Variants in VAT1L observed in about 807,000 individuals in gnomAD.
VAT1L encodes putative NADPH-dependent quinone oxidoreductase VAT1L.
A neutral mutation model predicts 44.1 loss-of-function variants in VAT1L; 34 were observed. That is an observed-to-expected ratio of 0.77 (90% CI 0.59 to 1.03). VAT1L has a LOEUF of 1.03. Ranked by LOEUF, VAT1L falls within the 50% of genes least tolerant of loss-of-function variation. The probability of loss-of-function intolerance (pLI) is 0.00; values close to 1 mark genes in which losing one functional copy is unlikely to be tolerated. For missense variants in VAT1L, 615 were observed against 538.8 expected, an observed-to-expected ratio of 1.14 and a Z score of -1.40; for synonymous variants, 253 against 202.2, an observed-to-expected ratio of 1.25 and a Z score of -2.13.
At chr16:77,934,017 T>C (rs752384301) in intron 7 of VAT1L, among the ~76,000 whole-genome samples, 3 of 152,178 alleles carry the variant, frequency 2.0e-5, no homozygotes, top group Non-Finnish European at 4.4e-5. Flanking sequence ...TATTATTATT[T>C]CTGTGCAATA....
intron 7 of VAT1L, among the ~76,000 whole-genome samples, chr16:77,930,373 A>G (rs12933847): frequency 6.6e-6 from 1 of 151,974 alleles, no homozygotes; most frequent in African/African-American, 2.4e-5. Context: ...AATTCCACCT[A>G]CCCCATCCAT....
intron 7 of VAT1L, among the ~76,000 whole-genome samples, chr16:77,951,875 C>A (rs2018048399): frequency 6.6e-6 from 1 of 150,548 alleles, no homozygotes; most frequent in Non-Finnish European, 1.5e-5. Context: ...AAACTGAAAG[C>A]TGTTACTAGG....
chr16:77,932,721 G>A (rs2017746624), intron 7 of VAT1L, among the ~76,000 whole-genome samples: 1 of 152,272 alleles, frequency 6.6e-6, no homozygotes, highest in South Asian at 2.1e-4. Context: ...AGCAATCCCT[G>A]AGATCCACTC....
intron 3 of VAT1L, among the ~76,000 whole-genome samples, chr16:77,836,697 G>A (rs1190661660): frequency 2.0e-5 from 3 of 152,116 alleles, no homozygotes; most frequent in Non-Finnish European, 2.9e-5. Context: ...TAAATATATA[G>A]ATCTAAAAAC....
At chr16:77,794,669 A>C (rs1240297654) in intron 1 of VAT1L, among the ~76,000 whole-genome samples, 2 of 152,214 alleles carry the variant, frequency 1.3e-5, no homozygotes, top group Non-Finnish European at 2.9e-5. Context: ...TTGTAAAACT[A>C]AGATGTTGCT....
intron 7 of VAT1L, among the ~76,000 whole-genome samples, chr16:77,935,290 C>T (rs566772946): frequency 3.3e-5 from 5 of 151,892 alleles, no homozygotes; most frequent in Non-Finnish European, 5.9e-5. Flanking sequence ...TTATGGAGTG[C>T]AGTTAAGAAA....
chr16:77,952,582 C>T (rs1274720193), intron 7 of VAT1L, among the ~76,000 whole-genome samples: 4 of 152,004 alleles, frequency 2.6e-5, no homozygotes, highest in Non-Finnish European at 5.9e-5. Context: ...GAGCCATGAG[C>T]CCCTGGTGAC....
At chr16:77,857,374 G>A (rs796880558) in intron 3 of VAT1L, among the ~76,000 whole-genome samples, 20 of 152,276 alleles carry the variant, frequency 1.3e-4, no homozygotes, top group African/African-American at 4.6e-4. Context: ...TTGGAGAAGG[G>A]AGAATACAGA....
chr16:77,895,535 A>C (rs2017315095), intron 7 of VAT1L, among the ~76,000 whole-genome samples: 1 of 152,158 alleles, frequency 6.6e-6, no homozygotes, highest in African/African-American at 2.4e-5. Flanking sequence ...GCAGAGGAAG[A>C]AGGGTGATGT....
intron 7 of VAT1L, among the ~76,000 whole-genome samples, chr16:77,969,642 A>G (rs1401790270): frequency 6.6e-6 from 1 of 152,084 alleles, no homozygotes; most frequent in Non-Finnish European, 1.5e-5. Flanking sequence ...TAATTTTGGA[A>G]GTGATGTATC....
In VAT1L at chr16:77,970,786, C is replaced by T. The variant is rs139641988; in HGVS notation, c.1078-1064C>T. The stretch of plus-strand genomic sequence containing the variant: ...TTTAATAGCTGTGTCAAGTTGTTAT[C>T]CAAATGTGTAGAAGTCTTCGGTTTT... On this transcript the variant is annotated intron_variant, in intron 7 of 8. Transcript: ENST00000302536. Among the ~76,000 whole-genome samples, 848 of 152,298 alleles carry T rather than the reference C, an allele frequency of 5.6e-3. 11 individuals carry two copies. The highest frequency in any genetic ancestry group is 0.019 in the African/African-American group (797 of 41,570).
intron 7 of VAT1L, among the ~76,000 whole-genome samples, chr16:77,890,688 C>A (rs924903855): frequency 1.3e-5 from 2 of 151,494 alleles, no homozygotes; most frequent in African/African-American, 4.9e-5. Context: ...TTTGGGAGGC[C>A]AAGGTGGGCA....
intron 7 of VAT1L, among the ~76,000 whole-genome samples, chr16:77,955,793 A>G (rs1170145129): frequency 6.6e-6 from 1 of 151,562 alleles, no homozygotes; most frequent in Non-Finnish European, 1.5e-5. Context: ...AGATGCATAT[A>G]GAAGTACAAA....
At chr16:77,803,356 G>A (rs888819878) in intron 1 of VAT1L, among the ~76,000 whole-genome samples, 6 of 150,804 alleles carry the variant, frequency 4.0e-5, no homozygotes, top group Non-Finnish European at 8.9e-5. Flanking sequence ...TATTGGACAT[G>A]TCTATTCAAG....
chr16:77,951,508 C>T (rs541276673), intron 7 of VAT1L, among the ~76,000 whole-genome samples: 82 of 152,142 alleles, frequency 5.4e-4, no homozygotes, highest in African/African-American at 1.9e-3. Context: ...ATTGCGCCAC[C>T]GCACTCCAGC....
At chr16:77,930,844 G>T (rs140233300) in intron 7 of VAT1L, among the ~76,000 whole-genome samples, 111 of 152,256 alleles carry the variant, frequency 7.3e-4, no homozygotes, top group Non-Finnish European at 1.3e-3. Flanking sequence ...AGAAAAGCAG[G>T]CTGTTCTCTT....
At chr16:77,801,168 G>T (rs2145213792) in intron 1 of VAT1L, 1 of 150,034 alleles carries the variant, frequency 6.7e-6, no homozygotes, top group Admixed American at 6.7e-5. Context: ...AGTTCCACAA[G>T]CTCTATGCTA....
At chr16:77,924,781 C>G (rs147937963) in intron 7 of VAT1L, among the ~76,000 whole-genome samples, 1 of 151,958 alleles carries the variant, frequency 6.6e-6, no homozygotes, top group Non-Finnish European at 1.5e-5. Flanking sequence ...TTTTCATATC[C>G]CCTCAACCCA....
At chr16:77,904,620 T>C (rs1023840383) in intron 7 of VAT1L, among the ~76,000 whole-genome samples, 1 of 152,190 alleles carries the variant, frequency 6.6e-6, no homozygotes, top group African/African-American at 2.4e-5. Context: ...CTCCAAATAC[T>C]CTAACCATTG....
Sources: allele counts gnomAD v4.1 joint callset (sites outside exome capture counted in the v4.1 genomes callset), GRCh38; gene constraint gnomAD v4.1.1; transcripts MANE v1.5; gene names NCBI Gene and HGNC (gene_info 2026-07-23, HGNC 2026-07-21).